GRID2: variants seen among roughly 807,000 people sequenced by gnomAD.
GRID2 encodes the protein glutamate receptor ionotropic, delta-2.
A neutral mutation model predicts 114.8 loss-of-function variants in GRID2; 33 were observed. The observed-to-expected ratio is 0.29, with a 90% CI of 0.22 to 0.38. The LOEUF (loss-of-function observed/expected upper bound fraction) is 0.38, where lower values mean the gene tolerates loss of function less well. Among genes scored for constraint, GRID2 ranks in the 10% least tolerant of loss-of-function variants. The probability of loss-of-function intolerance (pLI) is 1.00; values close to 1 mark genes in which losing one functional copy is unlikely to be tolerated. For missense variants in GRID2, 1,184 were observed against 1,257.7 expected (o/e 0.94, Z 0.89); for synonymous variants, 505 against 449.9 (o/e 1.12, Z -1.55).
intron 2 of GRID2, among the ~76,000 whole-genome samples, chr4:92,923,088 T>A (rs1560705482): frequency 6.6e-6 from 1 of 152,206 alleles, no homozygotes; most frequent in Admixed American, 6.5e-5. Flanking sequence ...ATATCACCAT[T>A]TTCTACCATG....
At chr4:92,763,988 AC>A (rs1738143268) in intron 2 of GRID2, among the ~76,000 whole-genome samples, 2 of 152,290 alleles carry the variant, frequency 1.3e-5, no homozygotes, top group South Asian at 2.1e-4. Flanking sequence ...GTTAAAAAAA[AC>A]GTTAAAGGCA....
intron 2 of GRID2, among the ~76,000 whole-genome samples, chr4:92,604,831 G>A (rs1371730562): frequency 6.6e-6 from 1 of 152,008 alleles, no homozygotes; most frequent in Non-Finnish European, 1.5e-5. Context: ...GATATAGTTA[G>A]GCTTCCTTTT....
intron 1 of GRID2, among the ~76,000 whole-genome samples, chr4:93,780,872 A>G (rs1734465846): frequency 6.6e-6 from 1 of 152,234 alleles, no homozygotes; most frequent in South Asian, 2.1e-4. Flanking sequence ...GAAATGAAGA[A>G]GAAAAAGAGG....
At chr4:92,477,526 G>A (rs1722377057) in intron 1 of GRID2, among the ~76,000 whole-genome samples, 1 of 151,772 alleles carries the variant, frequency 6.6e-6, no homozygotes, top group South Asian at 2.1e-4. Context: ...CCTTTAATAT[G>A]TGAATCTATG....
intron 13 of GRID2, among the ~76,000 whole-genome samples, chr4:93,585,022 A>G (rs948855721): frequency 6.6e-6 from 1 of 152,098 alleles, no homozygotes; most frequent in African/African-American, 2.4e-5. Flanking sequence ...CACTTTCATA[A>G]TAAGCAGAGG....
intron 1 of GRID2, among the ~76,000 whole-genome samples, chr4:93,785,278 C>A (rs982805996): frequency 1.3e-5 from 2 of 152,114 alleles, no homozygotes; most frequent in Non-Finnish European, 2.9e-5. Context: ...TGTTTGCAAT[C>A]TACTGGGGAA....
At chr4:92,689,534 A>G (rs1734076623) in intron 2 of GRID2, among the ~76,000 whole-genome samples, 1 of 152,236 alleles carries the variant, frequency 6.6e-6, no homozygotes, top group Admixed American at 6.5e-5. Context: ...CAGCAGCGTC[A>G]TTAGATTCTC....
intron 2 of GRID2, among the ~76,000 whole-genome samples, chr4:92,792,240 A>G (rs549751142): frequency 6.6e-6 from 1 of 151,602 alleles, no homozygotes; most frequent in Non-Finnish European, 1.5e-5. Flanking sequence ...TTATGTAAGG[A>G]CTCCAGTGGA....
At chr4:92,987,768 A>AAT (rs1754599476) in intron 2 of GRID2, among the ~76,000 whole-genome samples, 1 of 151,848 alleles carries the variant, frequency 6.6e-6, no homozygotes, top group Admixed American at 6.6e-5. Flanking sequence ...TAAAACAAAA[A>AAT]ATATATACTT....
intron 1 of GRID2, among the ~76,000 whole-genome samples, chr4:92,429,677 G>A (rs373475652): frequency 3.9e-5 from 6 of 152,112 alleles, no homozygotes; most frequent in African/African-American, 1.4e-4. Context: ...CCTCTAAATT[G>A]CTCTCTATAG....
At chr4:93,378,799 T>A (rs1408570695) in intron 8 of GRID2, among the ~76,000 whole-genome samples, 1 of 152,118 alleles carries the variant, frequency 6.6e-6, no homozygotes, top group Non-Finnish European at 1.5e-5. Flanking sequence ...GGTGCTCTAT[T>A]CTGCTGTGAC....
At chr4:92,810,613 T>C (rs1291252535) in intron 2 of GRID2, among the ~76,000 whole-genome samples, 1 of 152,104 alleles carries the variant, frequency 6.6e-6, no homozygotes, top group Non-Finnish European at 1.5e-5. Flanking sequence ...TGTGTGTAAA[T>C]CTGATTCATA....
chr4:92,805,702 G>A (rs573040408), intron 2 of GRID2, among the ~76,000 whole-genome samples: 26 of 152,062 alleles, frequency 1.7e-4, no homozygotes, highest in South Asian at 2.1e-4. Context: ...GGAGGCCCAG[G>A]CAGCAGAATC....
Position 92,884,290 on chromosome 4 carries a change from A to G in GRID2, c.245-200705A>G, listed in dbSNP as rs115851941. Reference sequence around the variant, plus strand: ...GAAGAGAGTTGGGGTCTTGCTCTGCATTAGGTTTTGATTTAAGGGAATGTT... The same window carrying G: ...GAAGAGAGTTGGGGTCTTGCTCTGCGTTAGGTTTTGATTTAAGGGAATGTT... On this transcript the variant is annotated intron_variant, in intron 2 of 15. Coordinates refer to ENST00000282020, the MANE Select transcript of GRID2 (RefSeq NM_001510.4). Among the ~76,000 whole-genome samples the G allele has an allele frequency of 5.4e-3, 820 of 152,336 alleles. 2 individuals carry two copies. Among genetic ancestry groups the G allele is most frequent in the African/African-American group, 0.019 (784 of 41,582 alleles).
chr4:92,474,231 A>AT (rs1386109350), intron 1 of GRID2, among the ~76,000 whole-genome samples: 1 of 151,804 alleles, frequency 6.6e-6, no homozygotes, highest in Non-Finnish European at 1.5e-5. Context: ...ATGAATTTGG[A>AT]TTTTTTAGAT....
At chr4:93,258,337 A>G (rs1749855074) in intron 8 of GRID2, among the ~76,000 whole-genome samples, 1 of 151,726 alleles carries the variant, frequency 6.6e-6, no homozygotes, top group Admixed American at 6.6e-5. Flanking sequence ...TTTGGGTGAA[A>G]TAGAATAAAA....
At chr4:92,815,200 A>T (rs1227393277) in intron 2 of GRID2, among the ~76,000 whole-genome samples, 1 of 152,142 alleles carries the variant, frequency 6.6e-6, no homozygotes, top group Non-Finnish European at 1.5e-5. Flanking sequence ...TATTAATATG[A>T]TATAAACTTT....
intron 2 of GRID2, among the ~76,000 whole-genome samples, chr4:92,789,215 C>T (rs1739458063): frequency 6.6e-6 from 1 of 151,528 alleles, no homozygotes. Flanking sequence ...CACCCTTTCC[C>T]TCACACTTGC....
At chr4:93,017,552 A>G (rs1313823717) in intron 2 of GRID2, among the ~76,000 whole-genome samples, 1 of 151,988 alleles carries the variant, frequency 6.6e-6, no homozygotes, top group Non-Finnish European at 1.5e-5. Flanking sequence ...AGTGGCTCAC[A>G]CCTATAACCC....
Sources: gnomAD v4.1 joint callset for allele counts (sites outside exome capture counted in the v4.1 genomes callset) on GRCh38, gnomAD v4.1.1 for gene constraint, MANE v1.5 for transcripts, NCBI Gene and HGNC (gene_info 2026-07-23, HGNC 2026-07-21) for gene names.